CCDC33: variants seen among roughly 807,000 people sequenced by gnomAD.
CCDC33 encodes coiled-coil domain-containing protein 33.
Under a neutral mutation model 91.9 loss-of-function variants are expected in CCDC33, and 94 were observed. That is an observed-to-expected ratio of 1.02 (90% CI 0.87 to 1.21). The LOEUF (loss-of-function observed/expected upper bound fraction) is 1.21. Ranked by LOEUF, CCDC33 falls within the 50% of genes most tolerant of loss-of-function variation. CCDC33 has a pLI of 0.00. For missense variants in CCDC33, 940 were observed against 935.5 expected (o/e 1.00, Z -0.06); for synonymous variants, 396 against 374.5 (o/e 1.06, Z -0.66).
At chr15:74,204,265 C>G (rs951661809) in intron 1 of CCDC33, among the ~76,000 whole-genome samples, 10 of 152,374 alleles carry the variant, frequency 6.6e-5, no homozygotes, top group Non-Finnish European at 1.0e-4. Context: ...GGGCGGGACT[C>G]TATCCCTCCC....
chr15:74,276,142 G>T (rs1020277521), intron 7 of CCDC33, among the ~76,000 whole-genome samples: 1 of 152,218 alleles, frequency 6.6e-6, no homozygotes, highest in East Asian at 1.9e-4. Context: ...AATGTGGAAG[G>T]TTATGGAGGC....
In CCDC33 at chr15:74,262,458, A is replaced by T; in HGVS notation, c.204A>T (p.Glu68Asp). The T allele has an allele frequency of 6.2e-7, 1 of 1,614,118 alleles. No homozygotes were observed. The highest frequency in any genetic ancestry group is 8.5e-7 in the Non-Finnish European group (1 of 1,179,982). Residue 68 changes from glutamate (E) to aspartate (D), a missense_variant, in exon 3 of 19, where the codon GAA becomes GAT. Physicochemically the swap from Glu to Asp is conservative, Grantham distance 45 (BLOSUM62 2). Coordinates refer to ENST00000398814, the MANE Select transcript of CCDC33 (RefSeq NM_025055.5). Reference protein sequence around the residue: ...PYVVVKSTSEEKNNQSSKAVT... With the variant: ...PYVVVKSTSEDKNNQSSKAVT... ...TCCCCAGGAAAAGCACATCTGAGGAAAAGAACAATCAGAGCTCCAAGGCAG... is the reference window on the plus strand; with the variant it reads ...TCCCCAGGAAAAGCACATCTGAGGATAAGAACAATCAGAGCTCCAAGGCAG...
chr15:74,215,183 C>T (rs1220415620), upstream of CCDC33, among the ~76,000 whole-genome samples: 1 of 152,196 alleles, frequency 6.6e-6, no homozygotes, highest in Non-Finnish European at 1.5e-5. Flanking sequence ...GTGGAAATCA[C>T]ACCAGCAAGG....
intron 11 of CCDC33, among the ~76,000 whole-genome samples, chr15:74,320,387 G>C (rs987929358): frequency 2.0e-5 from 3 of 151,782 alleles, no homozygotes; most frequent in African/African-American, 7.3e-5. Context: ...CCCCTCCCCT[G>C]CAGGATCCCC....
At chr15:74,327,383 T>C (rs2060331380) in intron 11 of CCDC33, among the ~76,000 whole-genome samples, 2 of 152,052 alleles carry the variant, frequency 1.3e-5, no homozygotes, top group African/African-American at 4.8e-5. Context: ...TCCTCTAATC[T>C]CAGCACTTTG....
At chr15:74,279,590 C>CAGTG (rs1435776252) in intron 7 of CCDC33, among the ~76,000 whole-genome samples, 1 of 152,044 alleles carries the variant, frequency 6.6e-6, no homozygotes, top group Non-Finnish European at 1.5e-5. Context: ...GGCTGGAGTA[C>CAGTG]AGTGGCGCAA....
chr15:74,331,075 T>C lies in CCDC33; in HGVS notation c.1640T>C (p.Met547Thr), dbSNP rs1421304864. Residue 547 changes from methionine (M) to threonine (T), a missense_variant, in exon 14 of 19, where the codon ATG (methionine) becomes ACG (threonine). By Grantham distance (81) the Met-to-Thr change is moderately conservative. Transcript: ENST00000398814. ...CAGTACCAGGGCAAGCTGCAGAAGATGAAGGCGCTGGAGGAGACTGTGCGG... is the reference window on the plus strand; with the variant it reads ...CAGTACCAGGGCAAGCTGCAGAAGACGAAGGCGCTGGAGGAGACTGTGCGG... Reference protein sequence around the residue: ...LKQYQGKLQKMKALEETVRHQ... With the variant: ...LKQYQGKLQKTKALEETVRHQ... 3 of 1,613,564 alleles carry C rather than the reference T, an allele frequency of 1.9e-6. No homozygotes were observed. In the South Asian group the frequency reaches 3.3e-5, roughly 18 times the overall value.
At chr15:74,300,583 T>C (rs1314587346) in intron 11 of CCDC33, 1 of 151,986 alleles carries the variant, frequency 6.6e-6, no homozygotes, top group Non-Finnish European at 1.5e-5. Flanking sequence ...ATTTCAGGAG[T>C]GTGTTTGTCT....
chr15:74,253,482 T>G (rs1216169632), intron 2 of CCDC33, among the ~76,000 whole-genome samples: 1 of 152,128 alleles, frequency 6.6e-6, no homozygotes, highest in Non-Finnish European at 1.5e-5. Context: ...TGCACACACT[T>G]AAGTTTCCAG....
At chr15:74,322,146 A>C (rs2060219429) in intron 11 of CCDC33, among the ~76,000 whole-genome samples, 1 of 152,178 alleles carries the variant, frequency 6.6e-6, no homozygotes, top group Non-Finnish European at 1.5e-5. Context: ...GCCAGAGAGG[A>C]TGTTCCAGTT....
chr15:74,208,067 C>T, intron 1 of CCDC33: 1 of 1,260,194 alleles, frequency 7.9e-7, no homozygotes, highest in Non-Finnish European at 1.0e-6. Context: ...AGGATTTAGA[C>T]CAGGCTGTTC....
intron 2 of CCDC33, among the ~76,000 whole-genome samples, chr15:74,211,211 C>T (rs1234524869): frequency 1.3e-5 from 2 of 151,856 alleles, no homozygotes; most frequent in Admixed American, 1.3e-4. Flanking sequence ...AAGAACATTC[C>T]TTCCTAGAGC....
At chr15:74,298,297 ATGG>A (rs1208374170) in intron 11 of CCDC33, among the ~76,000 whole-genome samples, 2 of 152,112 alleles carry the variant, frequency 1.3e-5, no homozygotes, top group Admixed American at 1.3e-4. Flanking sequence ...GGTGATGATG[ATGG>A]TGGAGGAGGA....
chr15:74,271,887 G>A, intron 6 of CCDC33, 93 bp downstream of exon 6: 1 of 1,103,988 alleles, frequency 9.1e-7, no homozygotes, highest in South Asian at 1.4e-5. Flanking sequence ...GCTGATTCCA[G>A]GACCTCCGGC....
chr15:74,249,381 G>A (rs922574339), intron 2 of CCDC33, among the ~76,000 whole-genome samples: 2 of 151,982 alleles, frequency 1.3e-5, no homozygotes, highest in Non-Finnish European at 1.5e-5. Flanking sequence ...CCAGCTACTC[G>A]GGAGGCTGAG....
chr15:74,240,345 A>G (rs2075307102), intron 1 of CCDC33, among the ~76,000 whole-genome samples: 1 of 152,278 alleles, frequency 6.6e-6, no homozygotes, highest in Admixed American at 6.5e-5. Context: ...GAGCCCCTGG[A>G]CAATGGTCTT....
chr15:74,234,129 C>T (rs2075070769), upstream of CCDC33, among the ~76,000 whole-genome samples: 1 of 152,240 alleles, frequency 6.6e-6, no homozygotes, highest in Admixed American at 6.5e-5. Flanking sequence ...CAAGATCCCT[C>T]CTTCCCCAAG....
At chr15:74,212,841 C>T (rs2074381238), upstream of CCDC33, 1 of 152,108 alleles carries the variant, frequency 6.6e-6, no homozygotes, top group Non-Finnish European at 1.5e-5. Context: ...AAATCAAAAC[C>T]CCTTTTCCCC....
intron 11 of CCDC33, 47 bp downstream of exon 11, chr15:74,295,995 C>A: frequency 6.6e-7 from 1 of 1,515,890 alleles, no homozygotes; most frequent in South Asian, 1.3e-5. Flanking sequence ...GTGATGAGGC[C>A]ATGGGAAGGG....
Sources: gnomAD v4.1 joint callset for allele counts (sites outside exome capture counted in the v4.1 genomes callset) on GRCh38, gnomAD v4.1.1 for gene constraint, MANE v1.5 for transcripts, NCBI Gene and HGNC (gene_info 2026-07-23, HGNC 2026-07-21) for gene names.